Variants in MAFK observed in about 807,000 individuals in gnomAD.
MAFK encodes the protein transcription factor MafK.
In MAFK, 1 loss-of-function variant was observed where a neutral mutation model predicts 9.2. That is an observed-to-expected ratio of 0.11 (90% CI 0.04 to 0.52). The LOEUF is 0.52. Among genes scored for constraint, MAFK ranks in the 20% least tolerant of loss-of-function variants. The pLI is 0.94. For missense variants in MAFK, 207 were observed against 236.0 expected, an observed-to-expected ratio of 0.88 and a Z score of 0.81; for synonymous variants, 110 against 107.4, an observed-to-expected ratio of 1.02 and a Z score of -0.15.
At chr7:1,531,057 G>C (rs1391397512) in intron 1 of MAFK, among the ~76,000 whole-genome samples, 159 bp downstream of exon 1, 1 of 147,414 alleles carries the variant, frequency 6.8e-6, no homozygotes, top group Non-Finnish European at 1.5e-5. Context: ...TGCGGCCCGC[G>C]GCGCGGCCCG....
chr7:1,538,240 G>A, intron 1 of MAFK: 1 of 984,062 alleles, frequency 1.0e-6, no homozygotes, highest in Non-Finnish European at 1.2e-6. Flanking sequence ...GTGACACAAT[G>A]CAGACGTGAG....
At chr7:1,538,136 G>A (rs749526267) in intron 1 of MAFK, 3 of 348,438 alleles carry the variant, frequency 8.6e-6, no homozygotes, top group Non-Finnish European at 1.2e-5. Flanking sequence ...TGACAACCGT[G>A]GGGGCTGGCT....
rs1330409750 is a variant in MAFK at position 1,541,055 on chromosome 7, G to C, written c.*680G>C. The C allele has an allele frequency of 1.3e-5, 2 of 153,314 alleles. No homozygotes were observed. Among genetic ancestry groups the C allele is most frequent in the African/African-American group, 4.8e-5 (2 of 41,464 alleles). 9.5% of individuals were successfully genotyped at this position (153,314 alleles called of 1,614,324 possible). On this transcript the variant is annotated 3_prime_UTR_variant, in exon 3 of 3. Transcript: ENST00000343242. ...CCATCAAAGCAGCAGGGCTGAGGGG[G>C]TGCAGCTTGCTGGTGTTCACTGGGG... is the stretch of plus-strand genomic sequence containing the variant.
At position 1,542,595 on chromosome 7, in the gene MAFK, C is replaced by G. The variant is rs534501089; in HGVS notation, c.*2220C>G. The G allele has an allele frequency of 6.6e-6, 1 of 152,436 alleles. No individual in the cohort carries two copies. Among genetic ancestry groups the G allele is most frequent in the Admixed American group, 6.5e-5 (1 of 15,314 alleles). 9.4% of individuals were successfully genotyped at this position (152,436 alleles called of 1,614,324 possible). On this transcript the variant is annotated 3_prime_UTR_variant, in exon 3 of 3. Transcript: ENST00000343242. The stretch of plus-strand genomic sequence containing the variant: ...ACGGAGCCGCTGTCACCGCCCAGAG[C>G]TGGGCCGGGGAAGCACGGTGTGTTC...
intron 1 of MAFK, among the ~76,000 whole-genome samples, chr7:1,535,875 AG>A (rs1323048619): frequency 6.6e-6 from 1 of 152,174 alleles, no homozygotes; most frequent in Non-Finnish European, 1.5e-5. Context: ...GATCCTGGAA[AG>A]GGGCGCCCGG....
rs1225831975 is a variant in MAFK, at chr7:1,542,285, T to G, written c.*1910T>G. 1 of 152,620 alleles carries G rather than the reference T, an allele frequency of 6.6e-6. No homozygotes were observed. The highest frequency in any genetic ancestry group is 2.4e-5 in the African/African-American group (1 of 41,458). The allele number at this position is 152,620 out of a possible 1,614,324, so 9.5% of individuals were successfully genotyped here. ...TTTATCTACAGATTTTTCGTAACAA[T>G]CTTTCTTTTCCAGTTTGATACTGTA... On this transcript the variant is annotated 3_prime_UTR_variant, in exon 3 of 3. Transcript: ENST00000343242.
intron 1 of MAFK, among the ~76,000 whole-genome samples, chr7:1,531,812 G>C (rs2128550574): frequency 6.6e-6 from 1 of 152,182 alleles, no homozygotes; most frequent in East Asian, 1.9e-4. Flanking sequence ...ACACAGCAGT[G>C]GCCCTGCACT....
At chr7:1,538,377 C>G (rs1189442869) in intron 1 of MAFK, 1 of 985,336 alleles carries the variant, frequency 1.0e-6, no homozygotes, top group African/African-American at 1.7e-5. Context: ...GAACCCCACA[C>G]CCCCTTGGGC....
intron 1 of MAFK, 51 bp from the exon 2 acceptor site, chr7:1,539,098 C>A: frequency 6.8e-7 from 1 of 1,460,996 alleles, no homozygotes; most frequent in Non-Finnish European, 9.6e-7. Flanking sequence ...CCCTGTCCGG[C>A]GCTGCCGGCC....
Position 1,540,280 on chromosome 7 carries a change from G to A in MAFK, c.376G>A (p.Val126Met), listed in dbSNP as rs747636678. Residue 126 changes from valine to methionine, a missense_variant, in exon 3 of 3, where the codon GTG becomes ATG. Val to Met is a conservative substitution (Grantham distance 21). Transcript: ENST00000343242. ...CGCGCGCACCGTGGCCCGGGGACCT[G>A]TGGCGCCCTCCAAGGTGGCCACCAC... is the stretch of plus-strand genomic sequence containing the variant. Reference protein sequence around the residue: ...TFARTVARGPVAPSKVATTSV... With the variant: ...TFARTVARGPMAPSKVATTSV... The A allele has an allele frequency of 3.1e-6, 5 of 1,611,560 alleles. No homozygotes were observed. In the Admixed American group the frequency reaches 8.3e-5, roughly 27 times the overall value.
chr7:1,537,590 C>A (rs1562545505), intron 1 of MAFK: 1 of 985,420 alleles, frequency 1.0e-6, no homozygotes, highest in Non-Finnish European at 1.2e-6. Flanking sequence ...ACCTGGCCGT[C>A]CCCGGGACCG....
At position 1,534,708 on chromosome 7, in the gene MAFK, T is replaced by C; in HGVS notation, c.-45+3810T>C. The C allele has an allele frequency of 2.2e-6, 1 of 451,990 alleles. No homozygotes were observed. Among genetic ancestry groups the C allele is most frequent in the Middle Eastern group, 3.3e-4 (1 of 3,052 alleles). The allele number at this position is 451,990 out of a possible 1,614,324, so 28.0% of individuals were successfully genotyped here. ...TGGAGTCTGTGTCATCATTCACCCC[T>C]TGGGCAAGAACAAGTGACCCATCCA... On this transcript the variant is annotated intron_variant, in intron 1 of 2. Coordinates refer to ENST00000343242, the MANE Select transcript of MAFK (RefSeq NM_002360.4). The surrounding 1 kb of genome is among the most constrained non-coding windows in gnomAD (Gnocchi z 4.3).
chr7:1,539,638 G>A (rs892522), intron 2 of MAFK, among the ~76,000 whole-genome samples: 80,790 of 152,168 alleles, frequency 0.53, 21,643 homozygotes, highest in East Asian at 0.64. Context: ...CCTGTGGGCC[G>A]GCTCAGTCCC....
intron 1 of MAFK, among the ~76,000 whole-genome samples, chr7:1,531,258 G>C (rs1383857855): frequency 1.3e-5 from 2 of 150,578 alleles, no homozygotes; most frequent in Non-Finnish European, 3.0e-5. Context: ...TCACACCTGC[G>C]GGGGGCGGGG....
At chr7:1,535,985 C>T (rs1011338752) in intron 1 of MAFK, among the ~76,000 whole-genome samples, 11 of 152,220 alleles carry the variant, frequency 7.2e-5, no homozygotes, top group African/African-American at 1.9e-4. Flanking sequence ...GTGATGCCCC[C>T]GCTGAGCCTT....
rs1209299907 is a variant in MAFK at position 1,532,734 on chromosome 7, TAC to T, written c.-45+1838_-45+1839del. Among the ~76,000 whole-genome samples the T allele has an allele frequency of 3.9e-5, 6 of 152,312 alleles. No individual in the cohort carries two copies. In the East Asian group the frequency reaches 1.2e-3, roughly 29 times the overall value. ...GGGCTCAGCGATGGCTGCGTTTGTT[TAC>T]AGTCTCTGGCAAAGCTGTTTGCCAC... On this transcript the variant is annotated intron_variant, in intron 1 of 2. Transcript: ENST00000343242. The surrounding 1 kb of genome is among the most constrained non-coding windows in gnomAD (Gnocchi z 4.5).
Position 1,532,069 on chromosome 7 carries a change from G to C in MAFK, c.-45+1171G>C, listed in dbSNP as rs932815594. ...AACGCCCCCCACCGCCCCCCATCGT[G>C]GTCTAGGGGATATCTGTGTGGTTCG... On this transcript the variant is annotated intron_variant, in intron 1 of 2. Transcript: ENST00000343242. This position sits in a 1 kb window ranked among gnomAD's most constrained non-coding sequence, Gnocchi z 4.5. Among the ~76,000 whole-genome samples, 1 of 152,230 alleles carries C rather than the reference G, an allele frequency of 6.6e-6. No individual in the cohort carries two copies. The highest frequency in any genetic ancestry group is 2.4e-5 in the African/African-American group (1 of 41,466).
intron 1 of MAFK, among the ~76,000 whole-genome samples, chr7:1,535,405 A>G (rs1268197936): frequency 6.6e-6 from 1 of 152,234 alleles, no homozygotes; most frequent in Non-Finnish European, 1.5e-5. Flanking sequence ...CTGTAATCCC[A>G]GCACTTTGGG....
chr7:1,530,923 C>T (rs1783888311), intron 1 of MAFK, 25 bp downstream of exon 1: 1 of 143,540 alleles, frequency 7.0e-6, no homozygotes, highest in East Asian at 2.1e-4. Flanking sequence ...GGCAGCGGGG[C>T]CCGGGCCGCG....
Sources: gnomAD v4.1 joint callset for allele counts (sites outside exome capture counted in the v4.1 genomes callset) on GRCh38, gnomAD v4.1.1 for gene constraint, Gnocchi (gnomAD v3.1) non-coding constraint, MANE v1.5 for transcripts, NCBI Gene and HGNC (gene_info 2026-07-23, HGNC 2026-07-21) for gene names.